Variants in USP7 observed in about 807,000 individuals in gnomAD.
USP7 encodes ubiquitin specific peptidase 7.
Under a neutral mutation model 162.9 loss-of-function variants are expected in USP7, and 9 were observed. That is an observed-to-expected ratio of 0.06 (90% CI 0.03 to 0.10). The LOEUF is 0.10. USP7 is among the 10% of genes least tolerant of loss of function. The probability of loss-of-function intolerance (pLI) is 1.00; values close to 1 mark genes in which losing one functional copy is unlikely to be tolerated. For missense variants in USP7, 715 were observed against 1,373.7 expected, an observed-to-expected ratio of 0.52 and a Z score of 7.58; for synonymous variants, 562 against 475.9, an observed-to-expected ratio of 1.18 and a Z score of -2.35.
intron 1 of USP7, chr16:8,962,787 G>A (rs987436674): frequency 6.3e-6 from 1 of 159,106 alleles, no homozygotes; most frequent in Non-Finnish European, 1.4e-5. Flanking sequence ...ACCGGAGCAG[G>A]TGCGGGCGAG....
intron 1 of USP7, among the ~76,000 whole-genome samples, chr16:8,933,850 G>A (rs1898526078): frequency 6.6e-6 from 1 of 151,860 alleles, no homozygotes; most frequent in Non-Finnish European, 1.5e-5. Flanking sequence ...CCATCTCCTG[G>A]GTTCAAATAA....
chr16:8,918,932 G>A, intron 6 of USP7, 99 bp downstream of exon 6: 1 of 1,188,850 alleles, frequency 8.4e-7, no homozygotes, highest in Non-Finnish European at 1.2e-6. Context: ...ACAGGGCCAG[G>A]GGAGGGAGAC....
In USP7 at chr16:8,894,037, G is replaced by A. The variant is rs1435741087; in HGVS notation, c.3270C>T (p.Arg1090=). The change falls in exon 31 of 31, where the codon CGC becomes CGT. Residue 1090 remains arginine, a synonymous_variant. Transcript: ENST00000344836. ...TAATGGCCTTTTCAAGGTAAGTGTAGCGACTCCTCTTTGGGGCTTTGTTGA... is the reference window on the plus strand; with the variant it reads ...TAATGGCCTTTTCAAGGTAAGTGTAACGACTCCTCTTTGGGGCTTTGTTGA... The part of the protein sequence containing the change: ...DHFNKAPKRS[R]YTYLEKAIKI... 1.2e-6 allele frequency: 2 copies of A among 1,614,226 alleles called. No homozygotes were observed. The highest frequency in any genetic ancestry group is 2.2e-5 in the South Asian group (2 of 91,088).
At chr16:8,912,535 A>G (rs1426509430) in intron 10 of USP7, among the ~76,000 whole-genome samples, 1 of 152,198 alleles carries the variant, frequency 6.6e-6, no homozygotes, top group Non-Finnish European at 1.5e-5. Flanking sequence ...GAAGACAACA[A>G]TCCTTCAATA....
chr16:8,958,180 C>A (rs756725151), intron 1 of USP7, among the ~76,000 whole-genome samples: 5 of 152,170 alleles, frequency 3.3e-5, no homozygotes, highest in African/African-American at 1.2e-4. Flanking sequence ...CCCATCCCAC[C>A]GGCACAGTAG....
At chr16:8,943,346 A>G (rs1899131241) in intron 1 of USP7, among the ~76,000 whole-genome samples, 1 of 151,390 alleles carries the variant, frequency 6.6e-6, no homozygotes, top group Non-Finnish European at 1.5e-5. Context: ...CTACATGTAT[A>G]GTCTGCTCCG....
chr16:8,898,028 C>T (rs2061716812), intron 25 of USP7, among the ~76,000 whole-genome samples: 1 of 152,092 alleles, frequency 6.6e-6, no homozygotes, highest in African/African-American at 2.4e-5. Flanking sequence ...CACAGGCCTG[C>T]TGGACTCCCT....
At position 8,898,642 on chromosome 16, in the gene USP7, A is replaced by G. The variant is rs765111712; in HGVS notation, c.2532-3T>C. ...GATTACCTGGGCCATCCCTATAACT[A>G]CACAAGAAAACAGCATATAAATAAA... On this transcript the variant is annotated splice_region_variant and splice_polypyrimidine_tract_variant and intron_variant, in intron 23 of 30. Transcript: ENST00000344836. 5 of 1,564,256 alleles carry G rather than the reference A, an allele frequency of 3.2e-6. No homozygotes were observed. The highest frequency in any genetic ancestry group is 2.4e-5 in the South Asian group (2 of 84,730).
In USP7 at chr16:8,902,608, G is replaced by A. The variant is rs112874101; in HGVS notation, c.1840-126C>T. Reference sequence around the variant, plus strand: ...AGTCAATGTTAAGACTGTGATCGTAGGCCAGGTGCTGTGGCTCTCGCCTGT... The same window carrying A: ...AGTCAATGTTAAGACTGTGATCGTAAGCCAGGTGCTGTGGCTCTCGCCTGT... On this transcript the variant is annotated intron_variant, in intron 16 of 30. Transcript: ENST00000344836. The A allele has an allele frequency of 4.6e-4, 382 of 825,214 alleles. No homozygotes were observed. The African/African-American group carries it at 5.3e-3, about 12-fold the overall frequency. The allele number at this position is 825,214 out of a possible 1,614,324, so 51.1% of individuals were successfully genotyped here. A position where few individuals can be genotyped will look rare whatever the true frequency, so the allele number is the denominator to read the frequency against.
Position 8,963,305 on chromosome 16 carries a change from T to G in USP7, c.-20A>C. 1 of 1,090,340 alleles carries G rather than the reference T, an allele frequency of 9.2e-7. No individual in the cohort carries two copies. Among genetic ancestry groups the G allele is most frequent in the South Asian group, 2.5e-5 (1 of 39,606 alleles). The allele number at this position is 1,090,340 out of a possible 1,614,324, so 67.5% of individuals were successfully genotyped here. The stretch of plus-strand genomic sequence containing the variant: ...GTTCATGTCGGCCGCGGCCTGGGCC[T>G]CGCCTGCGGCCGGGGGCCGGGGCTG... On this transcript the variant is annotated 5_prime_UTR_variant, in exon 1 of 31. Transcript: ENST00000344836.
In USP7 at chr16:8,903,478, A is replaced by G. The variant is rs892962942; in HGVS notation, c.1705-76T>C. On this transcript the variant is annotated intron_variant, in intron 15 of 30. Transcript: ENST00000344836. ...GAGTCCACACTGAACACATTTAAACACTAAAACGCTGAAAACTCATTTTTT... is the reference window on the plus strand; with the variant it reads ...GAGTCCACACTGAACACATTTAAACGCTAAAACGCTGAAAACTCATTTTTT... 5 of 1,458,676 alleles carry G rather than the reference A, an allele frequency of 3.4e-6. No individual in the cohort carries two copies. In the Admixed American group the frequency reaches 1.2e-4, roughly 36 times the overall value. 90.4% of individuals were successfully genotyped at this position (1,458,676 alleles called of 1,614,324 possible).
At chr16:8,905,941 C>G (rs1596361150) in intron 13 of USP7, among the ~76,000 whole-genome samples, 1 of 152,284 alleles carries the variant, frequency 6.6e-6, no homozygotes, top group African/African-American at 2.4e-5. Flanking sequence ...GGCAGGAGCT[C>G]GGTGCTGGCC....
intron 10 of USP7, among the ~76,000 whole-genome samples, chr16:8,911,190 G>C (rs2061941171): frequency 6.6e-6 from 1 of 152,208 alleles, no homozygotes; most frequent in Non-Finnish European, 1.5e-5. Context: ...AAATGTGAAT[G>C]GCTGGCTGAT....
intron 30 of USP7, 84 bp from the exon 31 acceptor site, chr16:8,894,188 C>T: frequency 1.6e-6 from 2 of 1,257,788 alleles, no homozygotes; most frequent in African/African-American, 1.5e-5. Context: ...AGGCATGCAT[C>T]CCTGTGGCTC....
Position 8,917,008 on chromosome 16 carries a change from C to CAGA in USP7, c.851+15_851+17dup. Reference sequence around the variant, plus strand: ...AAAAGAGGAAGCAGAATGGCAAAGGCAGATGTCTAATACATACCCAAATGA... The same window carrying CAGA: ...AAAAGAGGAAGCAGAATGGCAAAGGCAGAAGATGTCTAATACATACCCAAATGA... On this transcript the variant is annotated intron_variant, in intron 7 of 30. Coordinates refer to ENST00000344836, the MANE Select transcript of USP7 (RefSeq NM_003470.3). 6.5e-7 allele frequency: 1 copy of CAGA among 1,539,800 alleles called. No homozygotes were observed. Among genetic ancestry groups the CAGA allele is most frequent in the Non-Finnish European group, 8.7e-7 (1 of 1,150,768 alleles).
At chr16:8,902,897 T>C (rs1219981379) in intron 16 of USP7, among the ~76,000 whole-genome samples, 1 of 152,000 alleles carries the variant, frequency 6.6e-6, no homozygotes, top group Non-Finnish European at 1.5e-5. Flanking sequence ...AAAAAAAGAC[T>C]GTGATTCTAA....
Position 8,899,656 on chromosome 16 carries a change from G to C in USP7, c.2411C>G (p.Pro804Arg). 2 of 1,614,198 alleles carry C rather than the reference G, an allele frequency of 1.2e-6. No homozygotes were observed. The highest frequency in any genetic ancestry group is 1.7e-6 in the Non-Finnish European group (2 of 1,180,020). ...CGTAACCACAAATCCAGGATCATTAGGGATTGTTTTATCACAGAAAATGAC... is the reference window on the plus strand; with the variant it reads ...CGTAACCACAAATCCAGGATCATTACGGATTGTTTTATCACAGAAAATGAC... ...VDVIFCDKTI[P>R]NDPGFVVTLS... The change falls in exon 22 of 31, where the codon CCT becomes CGT. Residue 804 changes from proline to arginine, a missense_variant. Pro to Arg is a moderately radical substitution (Grantham distance 103). This residue lies in a region of USP7 where 222 missense variants were observed against 441.7 expected (regional missense o/e 0.50). Coordinates refer to ENST00000344836, the MANE Select transcript of USP7 (RefSeq NM_003470.3).
At chr16:8,960,191 C>T (rs971903010) in intron 1 of USP7, among the ~76,000 whole-genome samples, 8 of 152,202 alleles carry the variant, frequency 5.3e-5, no homozygotes, top group African/African-American at 1.7e-4. Context: ...AATCATGCCA[C>T]CACCTCCACA....
At chr16:8,907,679 T>C (rs980904498) in intron 12 of USP7, among the ~76,000 whole-genome samples, 1 of 151,994 alleles carries the variant, frequency 6.6e-6, no homozygotes, top group Non-Finnish European at 1.5e-5. Context: ...CTGTCTCTAC[T>C]AAAAATACAA....
Sources: allele counts gnomAD v4.1 joint callset (sites outside exome capture counted in the v4.1 genomes callset), GRCh38; gene constraint gnomAD v4.1.1; regional missense constraint gnomAD v4.1.1; transcripts MANE v1.5; gene names NCBI Gene and HGNC (gene_info 2026-07-23, HGNC 2026-07-21).